Variants in CCNL1 observed in about 807,000 individuals in gnomAD.
The protein encoded by CCNL1 is cyclin L1, also known as cyclin-L1.
CCNL1 carries 13 observed loss-of-function variants against 60.6 expected under a neutral mutation model. That is an observed-to-expected ratio of 0.21 (90% CI 0.14 to 0.34). The LOEUF is 0.34. Among genes scored for constraint, CCNL1 ranks in the 10% least tolerant of loss-of-function variants. The pLI is 1.00. For missense variants in CCNL1, 481 were observed against 664.3 expected, an observed-to-expected ratio of 0.72 and a Z score of 3.03; for synonymous variants, 270 against 244.3, an observed-to-expected ratio of 1.10 and a Z score of -0.98.
intron 3 of CCNL1, among the ~76,000 whole-genome samples, chr3:157,156,623 C>T (rs1738644216): frequency 6.6e-6 from 1 of 152,176 alleles, no homozygotes. Context: ...AAAAGCTCCT[C>T]TGCTAATTCT....
intron 2 of CCNL1, 155 bp downstream of exon 2, chr3:157,159,250 C>A: frequency 1.4e-6 from 1 of 707,324 alleles, no homozygotes; most frequent in Non-Finnish European, 2.4e-6. Flanking sequence ...TTTTGAACCA[C>A]ATTCTAAAGG....
At chr3:157,159,237 C>G in intron 2 of CCNL1, 168 bp downstream of exon 2, 1 of 673,788 alleles carries the variant, frequency 1.5e-6, no homozygotes, top group Non-Finnish European at 2.6e-6. Flanking sequence ...GGCTCGTGAT[C>G]GATTTTGAAC....
intron 10 of CCNL1, 99 bp downstream of exon 10, chr3:157,149,188 C>G (rs1737981305): frequency 4.1e-6 from 4 of 978,894 alleles, no homozygotes; most frequent in Non-Finnish European, 6.2e-6. Context: ...CTAATTCTAA[C>G]CTAACTTTGA....
downstream of CCNL1, among the ~76,000 whole-genome samples, chr3:157,146,907 T>C (rs919374067): frequency 1.3e-5 from 2 of 152,240 alleles, no homozygotes; most frequent in African/African-American, 4.8e-5. Context: ...TATAACTGAT[T>C]TAAGTAGCAC....
intron 3 of CCNL1, among the ~76,000 whole-genome samples, chr3:157,154,913 C>A (rs1012158493): frequency 4.7e-5 from 7 of 149,774 alleles, no homozygotes; most frequent in African/African-American, 1.0e-4. Flanking sequence ...ATGAAAACAA[C>A]CTATCTCTCT....
intron 4 of CCNL1, 200 bp downstream of exon 4, chr3:157,152,836 T>C: frequency 7.6e-7 from 1 of 1,324,188 alleles, no homozygotes; most frequent in South Asian, 1.9e-5. Context: ...GATTTAAGAT[T>C]TGAACCTACA....
At chr3:157,146,467 C>T (rs1457618475), downstream of CCNL1, 2 of 439,706 alleles carry the variant, frequency 4.5e-6, no homozygotes, top group Non-Finnish European at 9.0e-6. Flanking sequence ...TCACCCACAG[C>T]ACTCCTATTT....
chr3:157,157,164 G>C, intron 3 of CCNL1: 7 of 1,173,040 alleles, frequency 6.0e-6, no homozygotes, highest in Non-Finnish European at 7.9e-6. Context: ...CTTGTAATAT[G>C]CATAGAAACA....
downstream of CCNL1, chr3:157,147,527 A>C: frequency 1.1e-6 from 1 of 945,290 alleles, no homozygotes; most frequent in East Asian, 1.2e-4. Flanking sequence ...AAATTACCTT[A>C]TGACACCATT....
chr3:157,157,104 GAA>G (rs1171749986), intron 3 of CCNL1: 1 of 1,289,258 alleles, frequency 7.8e-7, no homozygotes, highest in Non-Finnish European at 1.0e-6. Flanking sequence ...GGTTGCAAGG[GAA>G]AAAAGAGTTG....
Position 157,148,406 on chromosome 3 carries a change from A to G in CCNL1, c.1416T>C (p.Ser472=). Residue 472 remains serine (S), a synonymous_variant, in exon 11 of 11, where the codon TCT becomes TCC. Transcript: ENST00000295926. ...RHGHKRKKSR[S]RSQSKSRDHS... Reference sequence around the variant, plus strand: ...GATCCCGAGACTTGCTCTGAGATCGAGAACGAGATTTTTTCCTTTTATGAC... The same window carrying G: ...GATCCCGAGACTTGCTCTGAGATCGGGAACGAGATTTTTTCCTTTTATGAC... The G allele has an allele frequency of 1.9e-6, 3 of 1,614,198 alleles. No individual in the cohort carries two copies. The highest frequency in any genetic ancestry group is 2.5e-6 in the Non-Finnish European group (3 of 1,180,046).
chr3:157,152,052 A>C, intron 5 of CCNL1, 125 bp downstream of exon 5: 1 of 1,494,586 alleles, frequency 6.7e-7, no homozygotes, highest in Non-Finnish European at 8.9e-7. Context: ...TAAAAAAACA[A>C]AACAAAAAAA....
At chr3:157,147,506 A>C (rs559012576), downstream of CCNL1, 28 of 843,688 alleles carry the variant, frequency 3.3e-5, no homozygotes, top group African/African-American at 5.2e-4. Context: ...ATAGTACTTA[A>C]ATCTGACTCA....
At position 157,149,829 on chromosome 3, in the gene CCNL1, A is replaced by T; in HGVS notation, c.1021+7T>A. On this transcript the variant is annotated splice_region_variant and intron_variant, in intron 8 of 10. Coordinates refer to ENST00000295926, the MANE Select transcript of CCNL1 (RefSeq NM_020307.4). ...CCCAAGTCATTTTAATTCTAAATAC[A>T]TCTTACATGGCTTGGAGGCTGGAGA... The T allele has an allele frequency of 6.2e-7, 1 of 1,611,914 alleles. No homozygotes were observed. Among genetic ancestry groups the T allele is most frequent in the Non-Finnish European group, 8.5e-7 (1 of 1,179,426 alleles).
At chr3:157,146,913 A>G (rs1161727054), downstream of CCNL1, among the ~76,000 whole-genome samples, 1 of 152,254 alleles carries the variant, frequency 6.6e-6, no homozygotes, top group Non-Finnish European at 1.5e-5. Flanking sequence ...TGATTTAAGT[A>G]GCACACCCAA....
In CCNL1 at chr3:157,160,125, C is replaced by T; in HGVS notation, c.-31G>A. ...TAGCGAGCCGCACGCAAGCCCAACGCAGCCGGAACCCGAAACAAGACTAAC... is the reference window on the plus strand; with the variant it reads ...TAGCGAGCCGCACGCAAGCCCAACGTAGCCGGAACCCGAAACAAGACTAAC... On this transcript the variant is annotated 5_prime_UTR_variant, in exon 1 of 11. Coordinates refer to ENST00000295926, the MANE Select transcript of CCNL1 (RefSeq NM_020307.4). The T allele has an allele frequency of 6.5e-7, 1 of 1,526,878 alleles. No individual in the cohort carries two copies. The highest frequency in any genetic ancestry group is 8.8e-7 in the Non-Finnish European group (1 of 1,134,684). The allele number at this position is 1,526,878 out of a possible 1,614,324, so 94.6% of individuals were successfully genotyped here.
downstream of CCNL1, among the ~76,000 whole-genome samples, chr3:157,145,548 T>C (rs1393302459): frequency 2.7e-5 from 4 of 149,582 alleles, no homozygotes; most frequent in Non-Finnish European, 4.4e-5. Flanking sequence ...ATTGCTGTAA[T>C]GGGCCAACCA....
downstream of CCNL1, among the ~76,000 whole-genome samples, chr3:157,145,514 A>G (rs1737759532): frequency 1.3e-5 from 2 of 151,372 alleles, no homozygotes; most frequent in South Asian, 2.1e-4. Context: ...AAGTATCAGG[A>G]TCATTAGGAC....
chr3:157,155,520 T>G (rs1200693680), intron 3 of CCNL1, among the ~76,000 whole-genome samples: 1 of 152,192 alleles, frequency 6.6e-6, no homozygotes, highest in Non-Finnish European at 1.5e-5. Context: ...ATCCTGCTAT[T>G]TATTACCTGC....
Sources: allele counts gnomAD v4.1 joint callset (sites outside exome capture counted in the v4.1 genomes callset), GRCh38; gene constraint gnomAD v4.1.1; transcripts MANE v1.5; gene names NCBI Gene and HGNC (gene_info 2026-07-23, HGNC 2026-07-21).